IMMP2L: variants seen among roughly 807,000 people sequenced by gnomAD.
The protein encoded by IMMP2L is inner mitochondrial membrane peptidase subunit 2, also known as mitochondrial inner membrane protease subunit 2.
Under a neutral mutation model 19.3 loss-of-function variants are expected in IMMP2L, and 18 were observed. The observed-to-expected ratio is 0.93, with a 90% confidence interval of 0.64 to 1.38. The LOEUF (loss-of-function observed/expected upper bound fraction) is 1.38, where lower values mean the gene tolerates loss of function less well. Among genes scored for constraint, IMMP2L ranks in the 40% most tolerant of loss-of-function variants. IMMP2L has a pLI of 0.00. For synonymous variants in IMMP2L, 76 were observed against 73.0 expected (o/e 1.04, Z -0.21); for missense variants, 233 against 218.2 (o/e 1.07, Z -0.43).
chr7:111,547,512 C>A lies in IMMP2L; in HGVS notation c.-3+14339G>T, dbSNP rs923251138. On this transcript the variant is annotated intron_variant, in intron 1 of 5. Transcript: ENST00000405709. ...GGCTAAACAAACTGTCATACCCCCC[C>A]CCCCTTTTTATCCTGCTTTTTTGCT... Among the ~76,000 whole-genome samples, 96 of 150,516 alleles carry A rather than the reference C, an allele frequency of 6.4e-4. 1 individual carries two copies. Among genetic ancestry groups the A allele is most frequent in the Non-Finnish European group, 6.5e-4 (44 of 67,784 alleles).
chr7:110,890,141 T>C (rs1256798230), intron 4 of IMMP2L, among the ~76,000 whole-genome samples: 2 of 152,192 alleles, frequency 1.3e-5, no homozygotes, highest in African/African-American at 4.8e-5. Context: ...ACTGTGACTA[T>C]AGACTATTTT....
chr7:111,375,351 T>C (rs1273183160), intron 3 of IMMP2L, among the ~76,000 whole-genome samples: 4 of 152,072 alleles, frequency 2.6e-5, no homozygotes, highest in Non-Finnish European at 4.4e-5. Context: ...TCCACTTGCT[T>C]AAATTATGAT....
chr7:111,406,478 T>C (rs1415217122), intron 3 of IMMP2L, among the ~76,000 whole-genome samples: 1 of 152,038 alleles, frequency 6.6e-6, no homozygotes, highest in Non-Finnish European at 1.5e-5. Context: ...GGAATTCCAT[T>C]ACTGAAAACA....
intron 3 of IMMP2L, among the ~76,000 whole-genome samples, chr7:111,330,147 T>C (rs1425921276): frequency 1.3e-5 from 2 of 151,352 alleles, no homozygotes; most frequent in Non-Finnish European, 3.0e-5. Flanking sequence ...AAACACCAAT[T>C]GATTGAACAC....
In IMMP2L at chr7:111,521,305, A is replaced by G; in HGVS notation, c.135+8T>C. The G allele has an allele frequency of 6.2e-7, 1 of 1,609,240 alleles. No homozygotes were observed. Among genetic ancestry groups the G allele is most frequent in the Non-Finnish European group, 8.5e-7 (1 of 1,177,780 alleles). On this transcript the variant is annotated splice_region_variant and intron_variant, in intron 2 of 5. Transcript: ENST00000405709. ...GTGCTTTAAAGAACGAAGTTATATC[A>G]TTTTCACCTGCATCGATGCTCCTTC...
intron 2 of IMMP2L, among the ~76,000 whole-genome samples, chr7:111,493,117 T>C (rs973558012): frequency 6.6e-6 from 1 of 152,204 alleles, no homozygotes; most frequent in African/African-American, 2.4e-5. Context: ...AAATAATGTA[T>C]ACATCTCTTT....
chr7:111,454,837 G>A (rs903076853), intron 3 of IMMP2L, among the ~76,000 whole-genome samples: 5 of 152,094 alleles, frequency 3.3e-5, no homozygotes, highest in Non-Finnish European at 7.4e-5. Flanking sequence ...AACACAGCTA[G>A]ATGGAATGAT....
intron 3 of IMMP2L, among the ~76,000 whole-genome samples, chr7:111,351,101 C>T (rs531150182): frequency 6.6e-6 from 1 of 152,188 alleles, no homozygotes; most frequent in African/African-American, 2.4e-5. Context: ...TTGCTCAATT[C>T]GCTATTGCGT....
At chr7:110,983,802 A>G (rs1253258378) in intron 3 of IMMP2L, among the ~76,000 whole-genome samples, 1 of 152,012 alleles carries the variant, frequency 6.6e-6, no homozygotes, top group Non-Finnish European at 1.5e-5. Flanking sequence ...TATCAAGGGA[A>G]GAGAATGGGA....
chr7:110,975,866 T>C (rs1328210577), intron 3 of IMMP2L, among the ~76,000 whole-genome samples: 4 of 152,168 alleles, frequency 2.6e-5, no homozygotes, highest in African/African-American at 9.6e-5. Context: ...TATCAGTTTT[T>C]CCTGCTTACT....
At chr7:111,393,328 T>C (rs1234469787) in intron 3 of IMMP2L, among the ~76,000 whole-genome samples, 1 of 152,152 alleles carries the variant, frequency 6.6e-6, no homozygotes, top group Non-Finnish European at 1.5e-5. Context: ...TTTTCACAGA[T>C]CTTACAAGTG....
intron 3 of IMMP2L, among the ~76,000 whole-genome samples, chr7:111,476,351 CACTT>C (rs757581047): frequency 6.6e-6 from 1 of 152,128 alleles, no homozygotes; most frequent in Non-Finnish European, 1.5e-5. Flanking sequence ...TGTTTTCAAA[CACTT>C]AATAATCTTT....
At chr7:110,950,858 A>ATATATATATATATATATATG (rs1554470744) in intron 4 of IMMP2L, among the ~76,000 whole-genome samples, 2 of 136,294 alleles carry the variant, frequency 1.5e-5, no homozygotes, top group African/African-American at 5.8e-5. Context: ...ATATATATAT[A>ATATATATATATATATATATG]TATATATATA....
chr7:110,697,062 A>C (rs1793944999), intron 5 of IMMP2L, among the ~76,000 whole-genome samples: 1 of 152,116 alleles, frequency 6.6e-6, no homozygotes, highest in Admixed American at 6.5e-5. Context: ...AATGAAGAGA[A>C]ATCAACCAGA....
At chr7:111,265,880 T>G (rs1386843610) in intron 3 of IMMP2L, among the ~76,000 whole-genome samples, 1 of 152,140 alleles carries the variant, frequency 6.6e-6, no homozygotes, top group East Asian at 1.9e-4. Context: ...AAAATAGATT[T>G]TTGTAGGCAT....
intron 3 of IMMP2L, among the ~76,000 whole-genome samples, chr7:111,164,436 T>C (rs1374311350): frequency 3.3e-5 from 5 of 151,946 alleles, no homozygotes; most frequent in Non-Finnish European, 7.4e-5. Context: ...CTAGGACCCA[T>C]TCACAGGACA....
In IMMP2L at chr7:110,860,592, A is replaced by G. The variant is rs75800613; in HGVS notation, c.408+26001T>C. On this transcript the variant is annotated intron_variant, in intron 5 of 5. Transcript: ENST00000405709. ...GTATTATCAGAATCTTGGCCTTGAGATTCATATAACTAGATTACTGCTCAT... is the reference window on the plus strand; with the variant it reads ...GTATTATCAGAATCTTGGCCTTGAGGTTCATATAACTAGATTACTGCTCAT... Among the ~76,000 whole-genome samples, 1,487 of 152,194 alleles carry G rather than the reference A, an allele frequency of 9.8e-3. 24 individuals are homozygous for G. Among genetic ancestry groups the G allele is most frequent in the African/African-American group, 0.034 (1,399 of 41,560 alleles).
chr7:111,442,542 T>A (rs1053100121), intron 3 of IMMP2L, among the ~76,000 whole-genome samples: 3 of 151,634 alleles, frequency 2.0e-5, no homozygotes, highest in Non-Finnish European at 4.4e-5. Context: ...AAATCAGCCA[T>A]CATATCAAAG....
At chr7:110,715,847 T>A (rs922918886) in intron 5 of IMMP2L, among the ~76,000 whole-genome samples, 3 of 152,130 alleles carry the variant, frequency 2.0e-5, no homozygotes, top group Non-Finnish European at 4.4e-5. Context: ...TGTCTAATAC[T>A]GTCAATGGGA....
Sources: allele counts gnomAD v4.1 joint callset (sites outside exome capture counted in the v4.1 genomes callset), GRCh38; gene constraint gnomAD v4.1.1; transcripts MANE v1.5; gene names NCBI Gene and HGNC (gene_info 2026-07-23, HGNC 2026-07-21).